The following MEI4 variants were observed in gnomAD, a reference collection of about 807,000 sequenced individuals.
MEI4 encodes meiosis-specific protein MEI4.
MEI4 carries 27 observed loss-of-function variants against 31.4 expected under a neutral mutation model. That is an observed-to-expected ratio of 0.86 (90% CI 0.63 to 1.19). The LOEUF is 1.19. Among genes scored for constraint, MEI4 ranks in the 50% most tolerant of loss-of-function variants. MEI4 has a pLI of 0.00. For missense variants in MEI4, 329 were observed against 398.9 expected, an observed-to-expected ratio of 0.82 and a Z score of 1.49; for synonymous variants, 122 against 145.4, an observed-to-expected ratio of 0.84 and a Z score of 1.16.
At chr6:77,806,515 T>G (rs1769445635) in intron 3 of MEI4, among the ~76,000 whole-genome samples, 1 of 152,130 alleles carries the variant, frequency 6.6e-6, no homozygotes, top group African/African-American at 2.4e-5. Context: ...AGGGTATGTA[T>G]AGAATATAGG....
intron 2 of MEI4, among the ~76,000 whole-genome samples, chr6:77,694,880 C>G (rs1765976350): frequency 6.6e-6 from 1 of 150,936 alleles, no homozygotes; most frequent in Non-Finnish European, 1.5e-5. Context: ...GTCCCACCAA[C>G]AGTGTAAAAG....
intron 2 of MEI4, among the ~76,000 whole-genome samples, chr6:77,744,364 TATCAGTGATGGAAGATG>T (rs1767518263): frequency 6.6e-6 from 1 of 151,918 alleles, no homozygotes; most frequent in South Asian, 2.1e-4. Context: ...GAAGAAAGGG[TATCAGTGATGGAAGATG>T]AAATGAATGA....
intron 4 of MEI4, among the ~76,000 whole-genome samples, chr6:77,879,210 A>G (rs1267078264): frequency 1.3e-5 from 2 of 152,204 alleles, no homozygotes; most frequent in Non-Finnish European, 2.9e-5. Flanking sequence ...AATTAAATAT[A>G]TTAAAATATG....
chr6:77,849,867 G>A (rs1006308751), intron 4 of MEI4, among the ~76,000 whole-genome samples: 1 of 151,996 alleles, frequency 6.6e-6, no homozygotes, highest in Non-Finnish European at 1.5e-5. Flanking sequence ...TAACATTTGA[G>A]GCAGCATTAT....
intron 2 of MEI4, among the ~76,000 whole-genome samples, chr6:77,727,818 G>T (rs777102185): frequency 2.6e-5 from 4 of 152,262 alleles, no homozygotes; most frequent in African/African-American, 9.6e-5. Flanking sequence ...AAAATGTTCT[G>T]GTCACAGTAA....
intron 1 of MEI4, among the ~76,000 whole-genome samples, chr6:77,658,222 A>G (rs1002098257): frequency 7.2e-5 from 11 of 152,178 alleles, no homozygotes; most frequent in Admixed American, 6.5e-5. Flanking sequence ...CTCACAAAGT[A>G]CATTCTCAAG....
intron 3 of MEI4, among the ~76,000 whole-genome samples, chr6:77,799,689 T>A (rs1319863781): frequency 2.0e-5 from 3 of 152,146 alleles, no homozygotes; most frequent in African/African-American, 7.2e-5. Flanking sequence ...AAGGAAGGGA[T>A]CCAGTTTCAG....
chr6:77,846,749 T>G (rs1359811763), intron 4 of MEI4, among the ~76,000 whole-genome samples: 1 of 152,192 alleles, frequency 6.6e-6, no homozygotes, highest in Non-Finnish European at 1.5e-5. Context: ...TGACATGGAA[T>G]TCTGTACCGT....
chr6:77,871,845 T>C (rs1198135520), intron 4 of MEI4, among the ~76,000 whole-genome samples: 2 of 152,116 alleles, frequency 1.3e-5, no homozygotes, highest in Non-Finnish European at 2.9e-5. Flanking sequence ...TAGAAGGACA[T>C]AGATGTACAA....
At chr6:77,710,351 G>A (rs762539664) in intron 2 of MEI4, among the ~76,000 whole-genome samples, 11 of 151,586 alleles carry the variant, frequency 7.3e-5, no homozygotes, top group Admixed American at 1.3e-4. Flanking sequence ...GTGAAACCCC[G>A]TCTCTACTAA....
At chr6:77,742,113 A>G (rs1423416666) in intron 2 of MEI4, among the ~76,000 whole-genome samples, 1 of 152,122 alleles carries the variant, frequency 6.6e-6, no homozygotes, top group Non-Finnish European at 1.5e-5. Flanking sequence ...AGCATGATTT[A>G]TAGTCCTTTG....
chr6:77,739,170 A>C (rs745910759), intron 2 of MEI4, among the ~76,000 whole-genome samples: 2 of 151,996 alleles, frequency 1.3e-5, no homozygotes, highest in Non-Finnish European at 2.9e-5. Context: ...CTATATCCTG[A>C]ATGGTATTGC....
At chr6:77,733,865 C>A (rs1767092869) in intron 2 of MEI4, among the ~76,000 whole-genome samples, 1 of 152,028 alleles carries the variant, frequency 6.6e-6, no homozygotes, top group African/African-American at 2.4e-5. Context: ...ATCTTTATTT[C>A]TGCCTTCATT....
At chr6:77,735,988 C>G (rs12524098) in intron 2 of MEI4, among the ~76,000 whole-genome samples, 22,629 of 151,980 alleles carry the variant, frequency 0.15, 1,874 homozygotes, top group East Asian at 0.26. Context: ...GCAGTCTGCC[C>G]GTTCTCAGAT....
At chr6:77,801,491 G>C (rs1017129137) in intron 3 of MEI4, among the ~76,000 whole-genome samples, 1 of 152,056 alleles carries the variant, frequency 6.6e-6, no homozygotes, top group Non-Finnish European at 1.5e-5. Context: ...ATTTCCTTCA[G>C]TTCTGCTCTG....
In MEI4 at chr6:77,692,618, C is replaced by T. The variant is rs975439784; in HGVS notation, c.232+1715C>T. Among the ~76,000 whole-genome samples the T allele has an allele frequency of 4.6e-5, 7 of 152,120 alleles. No individual in the cohort carries two copies. The South Asian group carries it at 1.5e-3, about 32-fold the overall frequency. On this transcript the variant is annotated intron_variant, in intron 2 of 4. Transcript: ENST00000684080. ...CATGTAGGAATAAATTCAGAGTAGA[C>T]ACTTTAGACATTTATGAATGGTTTC... is the stretch of plus-strand genomic sequence containing the variant.
chr6:77,731,064 T>A (rs573056237), intron 2 of MEI4, among the ~76,000 whole-genome samples: 1 of 151,986 alleles, frequency 6.6e-6, no homozygotes, highest in South Asian at 2.1e-4. Flanking sequence ...CCTTTGCTAG[T>A]GTGACTAGTG....
intron 2 of MEI4, among the ~76,000 whole-genome samples, chr6:77,699,565 T>G (rs1766158534): frequency 6.6e-6 from 1 of 152,204 alleles, no homozygotes; most frequent in African/African-American, 2.4e-5. Flanking sequence ...GTCTGAAGCC[T>G]TCTTCTCTCA....
chr6:77,889,998 G>T (rs1317480029), intron 4 of MEI4, among the ~76,000 whole-genome samples: 1 of 152,200 alleles, frequency 6.6e-6, no homozygotes, highest in East Asian at 1.9e-4. Context: ...GAAATGCTTG[G>T]ATGTCCAGGA....
Sources: gnomAD v4.1 joint callset for allele counts (sites outside exome capture counted in the v4.1 genomes callset) on GRCh38, gnomAD v4.1.1 for gene constraint, MANE v1.5 for transcripts, NCBI Gene and HGNC (gene_info 2026-07-23, HGNC 2026-07-21) for gene names.